ANKRD11: variants seen among roughly 807,000 people sequenced by gnomAD.
ANKRD11 encodes the protein ankyrin repeat domain-containing protein 11.
ANKRD11 carries 17 observed loss-of-function variants against 195.7 expected under a neutral mutation model. That is an observed-to-expected ratio of 0.09 (90% CI 0.06 to 0.13). The LOEUF is 0.13. Ranked by LOEUF, ANKRD11 falls within the 10% of genes least tolerant of loss-of-function variation. The probability of loss-of-function intolerance (pLI) is 1.00; values close to 1 mark genes in which losing one functional copy is unlikely to be tolerated. For synonymous variants in ANKRD11, 1,953 were observed against 1,528.1 expected (o/e 1.28, Z -6.49); for missense variants, 3,735 against 3,566.1 (o/e 1.05, Z -1.21).
chr16:89,389,437 A>T (rs1264211602), intron 2 of ANKRD11, among the ~76,000 whole-genome samples: 1 of 152,208 alleles, frequency 6.6e-6, no homozygotes, highest in East Asian at 1.9e-4. Context: ...AAGTCAATCA[A>T]AAGCTACCCA....
At chr16:89,429,169 A>C in intron 1 of ANKRD11, among the ~76,000 whole-genome samples, 1 of 141,870 alleles carries the variant, frequency 7.0e-6, no homozygotes, top group Non-Finnish European at 1.5e-5. Context: ...AGTACACAGC[A>C]GGGATTCTCA....
chr16:89,398,256 G>C (rs2041537894), intron 2 of ANKRD11, among the ~76,000 whole-genome samples: 1 of 151,188 alleles, frequency 6.6e-6, no homozygotes. Context: ...GAGGGACACT[G>C]TGAAACAGGT....
chr16:89,456,945 C>T (rs1249994054), intron 1 of ANKRD11, among the ~76,000 whole-genome samples: 1 of 132,644 alleles, frequency 7.5e-6, no homozygotes, highest in East Asian at 2.5e-4. Context: ...GTGGGGTGTT[C>T]GTTATGTGAG....
At chr16:89,349,190 G>A (rs2039089641) in intron 2 of ANKRD11, among the ~76,000 whole-genome samples, 1 of 130,610 alleles carries the variant, frequency 7.7e-6, no homozygotes, top group Admixed American at 8.6e-5. Flanking sequence ...TCAAGACAGT[G>A]TGGTGTTAGC....
At chr16:89,336,889 G>A (rs934316343) in intron 2 of ANKRD11, among the ~76,000 whole-genome samples, 4 of 151,996 alleles carry the variant, frequency 2.6e-5, no homozygotes, top group Admixed American at 2.6e-4. Flanking sequence ...ACTCTGGGAG[G>A]CTGGGTGCGG....
intron 2 of ANKRD11, among the ~76,000 whole-genome samples, chr16:89,415,829 C>CAAACAAAAAAAAAAA (rs1343927982): frequency 2.5e-5 from 1 of 39,744 alleles, no homozygotes; most frequent in African/African-American, 9.3e-5. Flanking sequence ...GACTCTGTCT[C>CAAACAAAAAAAAAAA]AAAAAAAAAA....
intron 1 of ANKRD11, among the ~76,000 whole-genome samples, chr16:89,430,196 G>T (rs1292384338): frequency 1.1e-5 from 1 of 95,018 alleles, no homozygotes; most frequent in African/African-American, 4.5e-5. Flanking sequence ...CAACTCTCAG[G>T]CTCAGACGTT....
In ANKRD11 at chr16:89,282,174, T is replaced by C. The variant is rs916283367; in HGVS notation, c.4368A>G (p.Leu1456=). The part of the protein sequence containing the change: ...KPYGSSAINI[L]KEKKKREKHR... ...GTTTCTCTCTCTTCTTCTTCTCTTTTAGGATGTTGATGGCACTAGATCCAT... is the reference window on the plus strand; with the variant it reads ...GTTTCTCTCTCTTCTTCTTCTCTTTCAGGATGTTGATGGCACTAGATCCAT... The change falls in exon 9 of 13, where the codon CTA becomes CTG. Residue 1456 remains leucine (L), a synonymous_variant. Coordinates refer to ENST00000301030, the MANE Select transcript of ANKRD11 (RefSeq NM_013275.6). 6 of 1,614,028 alleles carry C rather than the reference T, an allele frequency of 3.7e-6. No homozygotes were observed. In the African/African-American group the frequency reaches 4.0e-5, roughly 11 times the overall value.
chr16:89,284,628 G>C lies in ANKRD11; in HGVS notation c.1914C>G (p.His638Gln). Residue 638 changes from histidine (H) to glutamine (Q), a missense_variant, in exon 9 of 13, where the codon CAC becomes CAG. By Grantham distance (24) the His-to-Gln change is conservative. Coordinates refer to ENST00000301030, the MANE Select transcript of ANKRD11 (RefSeq NM_013275.6). Reference sequence around the variant, plus strand: ...AACACTGTCCCTTCTCCTTGTTTTTGTGTTTGTGTTTTGTTTTATGTTTTT... The same window carrying C: ...AACACTGTCCCTTCTCCTTGTTTTTCTGTTTGTGTTTTGTTTTATGTTTTT... The part of the protein sequence containing the change: ...VVKKHKTKHK[H>Q]KNKEKGQCSI... 2 of 1,613,984 alleles carry C rather than the reference G, an allele frequency of 1.2e-6. No homozygotes were observed. The highest frequency in any genetic ancestry group is 1.7e-6 in the Non-Finnish European group (2 of 1,179,974).
At chr16:89,278,561 G>C (rs752133343) in intron 9 of ANKRD11, 6 of 457,114 alleles carry the variant, frequency 1.3e-5, no homozygotes, top group Non-Finnish European at 2.6e-5. Flanking sequence ...GCTGGGGGCC[G>C]AGGACCAAGC....
At chr16:89,304,401 TACAC>T (rs2036040354) in intron 4 of ANKRD11, among the ~76,000 whole-genome samples, 1 of 147,168 alleles carries the variant, frequency 6.8e-6, no homozygotes, top group Non-Finnish European at 1.5e-5. Context: ...CACATGGGCA[TACAC>T]ACATGAGCGC....
At position 89,466,586 on chromosome 16, in the gene ANKRD11, GA is replaced by G. The variant is rs1360314333; in HGVS notation, c.-145+23658del. 2.6e-5 allele frequency among the ~76,000 whole-genome samples: 4 copies of G among 151,672 alleles called. No individual in the cohort carries two copies. In the East Asian group the frequency reaches 7.7e-4, roughly 29 times the overall value. ...CCAACAAAATCACTAGGCAAAGAAG[GA>G]AAAAATACAAGCCTCAGAAAACGAC... On this transcript the variant is annotated intron_variant, in intron 1 of 12. Coordinates refer to ENST00000301030, the MANE Select transcript of ANKRD11 (RefSeq NM_013275.6).
At chr16:89,455,338 T>G (rs1028797811) in intron 1 of ANKRD11, among the ~76,000 whole-genome samples, 1 of 152,120 alleles carries the variant, frequency 6.6e-6, no homozygotes, top group Non-Finnish European at 1.5e-5. Context: ...GCTGCTCCCA[T>G]GGGTGCTGTT....
chr16:89,313,578 T>C, intron 3 of ANKRD11: 2 of 1,289,172 alleles, frequency 1.6e-6, no homozygotes, highest in Non-Finnish European at 1.0e-6. Flanking sequence ...ATCACGATTC[T>C]TTTGGAAAAA....
intron 2 of ANKRD11, among the ~76,000 whole-genome samples, chr16:89,353,833 G>A (rs2039334596): frequency 6.6e-6 from 1 of 152,168 alleles, no homozygotes; most frequent in Admixed American, 6.5e-5. Context: ...GCCACTATGG[G>A]AACACAACAC....
chr16:89,488,230 C>G (rs2057685434), intron 1 of ANKRD11, among the ~76,000 whole-genome samples: 1 of 152,144 alleles, frequency 6.6e-6, no homozygotes, highest in Non-Finnish European at 1.5e-5. Context: ...TAAGAGGCAT[C>G]ACGAAGAACA....
intron 2 of ANKRD11, chr16:89,328,802 G>A (rs1597664073): frequency 1.4e-5 from 2 of 139,524 alleles, no homozygotes; most frequent in African/African-American, 2.7e-5. Flanking sequence ...GCGCACGGGC[G>A]AATCAGCGGA....
At chr16:89,273,434 G>A (rs1489056302) in intron 11 of ANKRD11, among the ~76,000 whole-genome samples, 1 of 152,162 alleles carries the variant, frequency 6.6e-6, no homozygotes, top group African/African-American at 2.4e-5. Context: ...GGGTGCGGTG[G>A]CTCACGCCTG....
intron 2 of ANKRD11, among the ~76,000 whole-genome samples, chr16:89,375,493 CTT>C (rs1444041727): frequency 4.6e-5 from 7 of 151,610 alleles, no homozygotes; most frequent in East Asian, 1.9e-4. Flanking sequence ...GAGTTTCACT[CTT>C]GTCGCCCGGG....
Sources: gnomAD v4.1 joint callset for allele counts (sites outside exome capture counted in the v4.1 genomes callset) on GRCh38, gnomAD v4.1.1 for gene constraint, MANE v1.5 for transcripts, NCBI Gene and HGNC (gene_info 2026-07-23, HGNC 2026-07-21) for gene names.